Variants in NDC80 observed in about 807,000 individuals in gnomAD.
The protein encoded by NDC80 is NDC80 kinetochore complex component.
In NDC80, 69 loss-of-function variants were observed where a neutral mutation model predicts 89.3. The ratio of observed to expected loss-of-function variants is 0.77; its 90% CI spans 0.64 to 0.94. NDC80 has a LOEUF of 0.94. Among genes scored for constraint, NDC80 ranks in the 40% least tolerant of loss-of-function variants. NDC80 has a pLI of 0.00. For synonymous variants in NDC80, 243 were observed against 255.6 expected (o/e 0.95, Z 0.47); for missense variants, 593 against 739.6 (o/e 0.80, Z 2.30).
chr18:2,590,245 C>T lies in NDC80; in HGVS notation c.1015+83C>T, dbSNP rs551817060. The T allele has an allele frequency of 2.9e-6, 4 of 1,382,862 alleles. No individual in the cohort carries two copies. In the Admixed American group the frequency reaches 9.8e-5, roughly 34 times the overall value. The allele number at this position is 1,382,862 out of a possible 1,614,324, so 85.7% of individuals were successfully genotyped here. A position where few individuals can be genotyped will look rare whatever the true frequency, so the allele number is the denominator to read the frequency against. ...GTAAAAACAGCTTTGTTATCCATAT[C>T]TTTTGTTGTTCTGTGGTACATGCTT... On this transcript the variant is annotated intron_variant, in intron 10 of 16. Transcript: ENST00000261597.
intron 16 of NDC80, 57 bp from the exon 17 acceptor site, chr18:2,616,380 A>G: frequency 8.3e-7 from 1 of 1,210,358 alleles, no homozygotes; most frequent in South Asian, 1.6e-5. Flanking sequence ...TTACAATTAA[A>G]CATTTTAAAA....
At chr18:2,605,569 A>G (rs2072707256) in intron 13 of NDC80, among the ~76,000 whole-genome samples, 1 of 152,116 alleles carries the variant, frequency 6.6e-6, no homozygotes, top group South Asian at 2.1e-4. Flanking sequence ...ATACCTTTAG[A>G]AAAAGTTCTT....
At chr18:2,580,987 A>T (rs1156980301) in intron 6 of NDC80, among the ~76,000 whole-genome samples, 2 of 151,398 alleles carry the variant, frequency 1.3e-5, no homozygotes, top group African/African-American at 4.9e-5. Flanking sequence ...TGATCCGCCC[A>T]CCTCAGCCTC....
intron 6 of NDC80, among the ~76,000 whole-genome samples, chr18:2,583,556 G>T (rs755418800): frequency 6.6e-6 from 1 of 151,712 alleles, no homozygotes; most frequent in Non-Finnish European, 1.5e-5. Context: ...CAAAAATTAG[G>T]CATAGTGACA....
Position 2,616,446 on chromosome 18 carries a change from G to A in NDC80, c.1801G>A (p.Glu601Lys). The part of the protein sequence containing the change: ...THVGSVEKHL[E>K]EQIAKVDREY... ...TAATTCTCTTCACTAGAAACATCTT[G>A]AGGAGCAGATTGCTAAAGTTGATAG... Residue 601 changes from glutamate (E) to lysine (K), a missense_variant, in exon 17 of 17, where the codon GAG (glutamate) becomes AAG (lysine). Physicochemically the swap from Glu to Lys is moderately conservative, Grantham distance 56. Coordinates refer to ENST00000261597, the MANE Select transcript of NDC80 (RefSeq NM_006101.3). The A allele has an allele frequency of 2.0e-6, 3 of 1,491,582 alleles. No homozygotes were observed. Among genetic ancestry groups the A allele is most frequent in the Non-Finnish European group, 2.7e-6 (3 of 1,113,256 alleles). 92.4% of individuals were successfully genotyped at this position (1,491,582 alleles called of 1,614,324 possible).
intron 14 of NDC80, 42 bp from the exon 15 acceptor site, chr18:2,608,643 TAGAGTATACAGAATG>T: frequency 6.6e-7 from 1 of 1,522,250 alleles, no homozygotes; most frequent in South Asian, 1.2e-5. Context: ...TAAATCCACC[TAGAGTATACAGAATG>T]TGAATATCAA....
intron 6 of NDC80, among the ~76,000 whole-genome samples, chr18:2,579,513 C>T (rs909333006): frequency 7.9e-5 from 12 of 152,044 alleles, no homozygotes; most frequent in Middle Eastern, 3.2e-3. Context: ...CTTCAACCTC[C>T]GCTTCCCAGG....
At chr18:2,612,375 G>A (rs554432111) in intron 16 of NDC80, among the ~76,000 whole-genome samples, 5 of 132,722 alleles carry the variant, frequency 3.8e-5, no homozygotes, top group East Asian at 2.4e-4. Context: ...CTGCAAACTC[G>A]CCTCCCAGGT....
intron 5 of NDC80, 146 bp downstream of exon 5, chr18:2,578,287 A>T: frequency 1.4e-6 from 1 of 739,040 alleles, no homozygotes; most frequent in East Asian, 2.7e-5. Context: ...AATTGAAGAG[A>T]AAAAAAGCAA....
In NDC80 at chr18:2,616,485, T is replaced by C. The variant is rs754584064; in HGVS notation, c.1840T>C (p.Cys614Arg). Residue 614 changes from cysteine (C) to arginine (R), a missense_variant, in exon 17 of 17, where the codon TGC becomes CGC. Transcript: ENST00000261597. ...IAKVDREYEE[C>R]MSEDLSENIK... ...TAAAGTTGATAGAGAATATGAAGAA[T>C]GCATGTCAGAAGATCTCTCGGAAAA... The C allele has an allele frequency of 6.5e-7, 1 of 1,541,394 alleles. No individual in the cohort carries two copies. Among genetic ancestry groups the C allele is most frequent in the Middle Eastern group, 1.8e-4 (1 of 5,498 alleles).
intron 14 of NDC80, 64 bp downstream of exon 14, chr18:2,606,571 A>G: frequency 1.0e-6 from 1 of 981,896 alleles, no homozygotes; most frequent in Non-Finnish European, 1.5e-6. Context: ...TTGATGAGTC[A>G]CATATTCTGA....
Position 2,573,024 on chromosome 18 carries a change from C to T in NDC80, c.39C>T (p.Arg13=). The change falls in exon 2 of 17, where the codon CGC becomes CGT. Residue 13 remains arginine (R), a synonymous_variant. Coordinates refer to ENST00000261597, the MANE Select transcript of NDC80 (RefSeq NM_006101.3). ...RSSVSSGGAG[R]LSMQELRSQD... The stretch of plus-strand genomic sequence containing the variant: ...CAGTTTCCAGCGGTGGTGCTGGCCG[C>T]CTCTCCATGCAGGAGTTAAGATCCC... 6.2e-7 allele frequency: 1 copy of T among 1,614,106 alleles called. No individual in the cohort carries two copies. Among genetic ancestry groups the T allele is most frequent in the Non-Finnish European group, 8.5e-7 (1 of 1,179,996 alleles).
intron 11 of NDC80, among the ~76,000 whole-genome samples, chr18:2,597,353 A>C (rs1442076397): frequency 2.6e-5 from 4 of 152,184 alleles, no homozygotes; most frequent in African/African-American, 9.6e-5. Context: ...AGGTGTGGTT[A>C]CATCTCAGAA....
intron 14 of NDC80, among the ~76,000 whole-genome samples, chr18:2,607,394 C>CCT (rs1167592533): frequency 6.6e-6 from 1 of 152,036 alleles, no homozygotes; most frequent in Non-Finnish European, 1.5e-5. Context: ...GAAATAAGGA[C>CCT]CTAGATAAGG....
intron 13 of NDC80, among the ~76,000 whole-genome samples, chr18:2,602,489 G>A (rs980566750): frequency 6.6e-6 from 1 of 152,026 alleles, no homozygotes; most frequent in Non-Finnish European, 1.5e-5. Context: ...CTGCTCCCTG[G>A]GAATGATGAT....
intron 3 of NDC80, among the ~76,000 whole-genome samples, chr18:2,576,759 G>A (rs1274937304): frequency 6.6e-6 from 1 of 152,126 alleles, no homozygotes; most frequent in Non-Finnish European, 1.5e-5. Flanking sequence ...CAAACTGTAT[G>A]CTTTAAACAG....
rs60324126 is a variant in NDC80, at chr18:2,605,274, ATGTGTGTGTGTGTGTGTG to A, written c.1465-1103_1465-1086del. ...AATTGGAGTCGGGCGGGCTATATGT[ATGTGTGTGTGTGTGTGTG>A]TGTGTGTGTGTGTGTGTGTGTGTGT... On this transcript the variant is annotated intron_variant, in intron 13 of 16. Transcript: ENST00000261597. 2.7e-3 allele frequency among the ~76,000 whole-genome samples: 349 copies of A among 127,294 alleles called. 1 individual carries two copies. Among genetic ancestry groups the A allele is most frequent in the African/African-American group, 7.9e-3 (257 of 32,350 alleles). The allele number at this position is 127,294 out of a possible 152,430, so 83.5% of individuals were successfully genotyped here. A position where few individuals can be genotyped will look rare whatever the true frequency, so the allele number is the denominator to read the frequency against.
chr18:2,573,883 T>C (rs2072532494), intron 2 of NDC80, among the ~76,000 whole-genome samples: 1 of 152,228 alleles, frequency 6.6e-6, no homozygotes, highest in Non-Finnish European at 1.5e-5. Flanking sequence ...CAATGTTTTT[T>C]TGCCTGCAGT....
intron 16 of NDC80, chr18:2,614,448 AAAG>A (rs2072762107): frequency 2.0e-4 from 1 of 5,068 alleles, no homozygotes; most frequent in East Asian, 0.017. Flanking sequence ...AAAAAGAAAG[AAAG>A]AAAGAAAGAA....
Sources: allele counts gnomAD v4.1 joint callset (sites outside exome capture counted in the v4.1 genomes callset), GRCh38; gene constraint gnomAD v4.1.1; transcripts MANE v1.5; gene names NCBI Gene and HGNC (gene_info 2026-07-23, HGNC 2026-07-21).